The following ZNF365 variants were observed in gnomAD, a reference collection of about 807,000 sequenced individuals.
ZNF365 encodes the protein zinc finger protein 365, also known as protein ZNF365.
Under a neutral mutation model 35.0 loss-of-function variants are expected in ZNF365, and 22 were observed. The observed-to-expected ratio is 0.63, with a 90% confidence interval of 0.45 to 0.90. The LOEUF is 0.90. ZNF365 is among the 40% of genes least tolerant of loss of function. The pLI, the probability that ZNF365 is intolerant of heterozygous loss-of-function variation, is 0.00. For missense variants in ZNF365, 448 were observed against 500.3 expected, an observed-to-expected ratio of 0.90 and a Z score of 1.00; for synonymous variants, 188 against 196.2, an observed-to-expected ratio of 0.96 and a Z score of 0.35.
At chr10:62,450,940 T>C (rs1455087383) in intron 3 of ZNF365, among the ~76,000 whole-genome samples, 3 of 152,234 alleles carry the variant, frequency 2.0e-5, no homozygotes, top group Admixed American at 6.5e-5. Flanking sequence ...ACAAGAGTTA[T>C]CTTTTCTGAA....
At chr10:62,417,098 T>C (rs1192202950) in intron 3 of ZNF365, among the ~76,000 whole-genome samples, 1 of 152,090 alleles carries the variant, frequency 6.6e-6, no homozygotes, top group African/African-American at 2.4e-5. Flanking sequence ...GAAAGTATAC[T>C]TACTTTGTTT....
chr10:62,435,802 A>G (rs1840397927), intron 3 of ZNF365, among the ~76,000 whole-genome samples: 2 of 152,232 alleles, frequency 1.3e-5, no homozygotes, highest in South Asian at 4.1e-4. Flanking sequence ...TTTCTTTTAA[A>G]AACCAGTCTC....
chr10:62,480,160 A>G, exon 5 of ZNF365: 1 of 1,243,438 alleles, frequency 8.0e-7, no homozygotes, highest in Non-Finnish European at 1.0e-6. Flanking sequence ...TGAGTTTCTC[A>G]TATAACCCAT....
rs564160037 is a variant in ZNF365 at position 62,468,601 on chromosome 10, A to G, written c.981+8804A>G. 1.6e-4 allele frequency among the ~76,000 whole-genome samples: 25 copies of G among 152,348 alleles called. 2 individuals carry two copies. The highest frequency in any genetic ancestry group is 6.0e-4 in the African/African-American group (25 of 41,588). ...ATCACTGATGCTTTATGAAAAGTTT[A>G]TGAGGACAATGCCCCCCCAGATTAG... On this transcript the variant is annotated intron_variant, in intron 4 of 4. Transcript: ENST00000395255.
Position 62,387,060 on chromosome 10 carries a change from C to T in ZNF365, c.744-1336C>T, listed in dbSNP as rs558374178. On this transcript the variant is annotated intron_variant, in intron 2 of 4. Transcript: ENST00000395254. ...GACATGTAAAGGAAATACTACCCAACGGACAGTAAAATTATGGAACTCATT... is the reference window on the plus strand; with the variant it reads ...GACATGTAAAGGAAATACTACCCAATGGACAGTAAAATTATGGAACTCATT... Among the ~76,000 whole-genome samples, 7 of 152,310 alleles carry T rather than the reference C, an allele frequency of 4.6e-5. No individual in the cohort carries two copies. In the South Asian group the frequency reaches 1.0e-3, roughly 23 times the overall value.
intron 4 of ZNF365, 103 bp from the exon 5 acceptor site, chr10:62,399,425 C>T: frequency 2.7e-6 from 4 of 1,487,864 alleles, no homozygotes; most frequent in Non-Finnish European, 3.6e-6. Flanking sequence ...ACCACTGTAG[C>T]ATGTAGGAGA....
At chr10:62,398,901 C>A in intron 4 of ZNF365, 124 bp downstream of exon 4, 1 of 999,708 alleles carries the variant, frequency 1.0e-6, no homozygotes, top group Non-Finnish European at 1.4e-6. Flanking sequence ...CTTTGGGAGG[C>A]TTAAGTGAAA....
chr10:62,403,684 C>CCA (rs1839865599), downstream of ZNF365, among the ~76,000 whole-genome samples: 1 of 151,930 alleles, frequency 6.6e-6, no homozygotes, highest in Non-Finnish European at 1.5e-5. Flanking sequence ...ACAGCAACAA[C>CCA]AAAAAAAGAA....
chr10:62,394,588 G>A (rs1431680190), intron 3 of ZNF365, among the ~76,000 whole-genome samples: 1 of 152,150 alleles, frequency 6.6e-6, no homozygotes, highest in Non-Finnish European at 1.5e-5. Context: ...CCATTTTTCA[G>A]AGCATAAAGA....
chr10:62,431,159 G>T (rs1035648633), intron 3 of ZNF365, among the ~76,000 whole-genome samples: 2 of 152,146 alleles, frequency 1.3e-5, no homozygotes, highest in African/African-American at 4.8e-5. Context: ...TTACAAATAG[G>T]TCAAATCTAT....
chr10:62,388,408 AT>A lies in ZNF365; in HGVS notation c.758del (p.Phe253SerfsTer30). 1 of 1,614,232 alleles carries A rather than the reference AT, an allele frequency of 6.2e-7. No individual in the cohort carries two copies. The highest frequency in any genetic ancestry group is 1.1e-5 in the South Asian group (1 of 91,080). On this transcript the variant is annotated frameshift_variant, in exon 3 of 5. Coordinates refer to ENST00000395254, the MANE Select transcript of ZNF365 (RefSeq NM_014951.3). LOFTEE classifies it high-confidence loss of function. ...LLRKEEEVVTFNHFLEAAAEK... is the reference protein window; with the variant it reads ...LLRKEEEVVTXNHFLEAAAEK... ...TTTTGCCTTGCAGAGAAGTTGTCAC[AT>A]TCAACCATTTCCTGGAAGCGGCAGC...
At chr10:62,475,440 T>A (rs75971240) in intron 4 of ZNF365, among the ~76,000 whole-genome samples, 7,269 of 152,124 alleles carry the variant, frequency 0.048, 225 homozygotes, top group East Asian at 0.17. Context: ...TAAAATAAAA[T>A]AAAATTAAAT....
chr10:62,464,907 A>G (rs1840912773), intron 4 of ZNF365, among the ~76,000 whole-genome samples: 1 of 152,236 alleles, frequency 6.6e-6, no homozygotes, highest in Non-Finnish European at 1.5e-5. Context: ...AGGGAGGCGC[A>G]GCCAGAGCTG....
intron 2 of ZNF365, among the ~76,000 whole-genome samples, chr10:62,380,578 G>A (rs942068471): frequency 1.3e-5 from 2 of 152,126 alleles, no homozygotes; most frequent in African/African-American, 4.8e-5. Flanking sequence ...TTGTTCAGGG[G>A]TCAACTATTT....
intron 3 of ZNF365, among the ~76,000 whole-genome samples, chr10:62,449,363 G>A (rs899160481): frequency 3.9e-5 from 6 of 152,156 alleles, no homozygotes; most frequent in Non-Finnish European, 7.4e-5. Flanking sequence ...GTTCCAGTGT[G>A]GGTGTCCAAG....
chr10:62,426,072 C>T (rs1387723197), intron 3 of ZNF365, among the ~76,000 whole-genome samples: 4 of 152,056 alleles, frequency 2.6e-5, no homozygotes, highest in African/African-American at 7.2e-5. Flanking sequence ...CCTATACTAG[C>T]GGTTTTATTT....
intron 2 of ZNF365, among the ~76,000 whole-genome samples, chr10:62,384,603 G>C (rs1308922853): frequency 6.6e-6 from 1 of 152,124 alleles, no homozygotes; most frequent in Non-Finnish European, 1.5e-5. Flanking sequence ...TTGTTGTTTT[G>C]GTTGAAACAG....
At chr10:62,392,263 T>C (rs146401872) in intron 3 of ZNF365, among the ~76,000 whole-genome samples, 10 of 152,362 alleles carry the variant, frequency 6.6e-5, no homozygotes, top group Admixed American at 2.0e-4. Flanking sequence ...TCTATTTATC[T>C]TTGTTTTTGT....
rs747964663 is a variant in ZNF365, at chr10:62,376,889, G to A, written c.696G>A (p.Leu232=). ...VDVAVEMIAV[L]RQRLTESEEE... ...TGGCCGTGGAAATGATAGCTGTACT[G>A]AGGCAACGCCTGACGGAATCTGAGG... is the stretch of plus-strand genomic sequence containing the variant. The change falls in exon 2 of 5, where the codon CTG becomes CTA. Residue 232 remains leucine (L), a synonymous_variant. Transcript: ENST00000395254. 2 of 1,614,078 alleles carry A rather than the reference G, an allele frequency of 1.2e-6. No individual in the cohort carries two copies. The highest frequency in any genetic ancestry group is 3.3e-5 in the Admixed American group (2 of 60,030).
Sources: gnomAD v4.1 joint callset for allele counts (sites outside exome capture counted in the v4.1 genomes callset) on GRCh38, gnomAD v4.1.1 for gene constraint, MANE v1.5 for transcripts, NCBI Gene and HGNC (gene_info 2026-07-23, HGNC 2026-07-21) for gene names.